The following CD163 variants were observed in gnomAD, a reference collection of about 807,000 sequenced individuals.
CD163 encodes scavenger receptor cysteine-rich type 1 protein M130.
In CD163, 64 loss-of-function variants were observed where a neutral mutation model predicts 129.2. The ratio of observed to expected loss-of-function variants is 0.50; its 90% CI spans 0.41 to 0.61. CD163 has a LOEUF of 0.61. Among genes scored for constraint, CD163 ranks in the 20% least tolerant of loss-of-function variants. The pLI, the probability that CD163 is intolerant of heterozygous loss-of-function variation, is 0.00. For missense variants in CD163, 1,061 were observed against 1,377.9 expected, an observed-to-expected ratio of 0.77 and a Z score of 3.64; for synonymous variants, 446 against 478.5, an observed-to-expected ratio of 0.93 and a Z score of 0.89.
In CD163 at chr12:7,495,128, C is replaced by A; in HGVS notation, c.1373G>T (p.Gly458Val). The A allele has an allele frequency of 6.2e-7, 1 of 1,614,174 alleles. No individual in the cohort carries two copies. The highest frequency in any genetic ancestry group is 8.5e-7 in the Non-Finnish European group (1 of 1,180,002). ...SLWDCKNWQW[G>V]GLTCDHYEEA... ...TTCATAGTGATCACAGGTAAGTCCA[C>A]CCCATTGCCAGTTCTTGCAGTCCCA... The change falls in exon 6 of 17, where the codon GGT (glycine) becomes GTT (valine). Residue 458 changes from glycine (G) to valine (V), a missense_variant. Gly to Val is a moderately radical substitution (Grantham distance 109, BLOSUM62 -3). Coordinates refer to ENST00000432237, the MANE Select transcript of CD163 (RefSeq NM_203416.4).
intron 16 of CD163, among the ~76,000 whole-genome samples, chr12:7,478,699 C>G (rs1949121217): frequency 6.6e-6 from 1 of 151,968 alleles, no homozygotes; most frequent in Non-Finnish European, 1.5e-5. Context: ...AGAGTTCCAA[C>G]TCTTATCCTT....
chr12:7,475,693 T>G (rs6492674), intron 16 of CD163, among the ~76,000 whole-genome samples: 1 of 152,080 alleles, frequency 6.6e-6, no homozygotes, highest in Non-Finnish European at 1.5e-5. Flanking sequence ...CAAGGATGTC[T>G]TCTCTCACCA....
At chr12:7,480,929 C>T in intron 15 of CD163, 2 of 1,195,682 alleles carry the variant, frequency 1.7e-6, no homozygotes, top group South Asian at 6.6e-5. Flanking sequence ...TGGTTCTTTC[C>T]ATACCTCTAT....
chr12:7,496,989 C>G lies in CD163; in HGVS notation c.923G>C (p.Gly308Ala). Residue 308 changes from glycine to alanine, a missense_variant, in exon 5 of 17, where the codon GGA becomes GCA. Transcript: ENST00000432237. The surrounding 1 kb of genome is among the most constrained non-coding windows in gnomAD (Gnocchi z 4.8). ...AATGGCTGTGACGGCAGTTGGACAT[C>G]CCAGTTGCTTGCATGCCACAGCAGC... is the stretch of plus-strand genomic sequence containing the variant. ...YDAAVACKQL[G>A]CPTAVTAIGR... The G allele has an allele frequency of 6.2e-7, 1 of 1,614,018 alleles. No homozygotes were observed.
rs1430758720 is a variant in CD163 at position 7,486,708 on chromosome 12, A to G, written c.2249T>C (p.Leu750Pro). The G allele has an allele frequency of 6.2e-7, 1 of 1,614,178 alleles. No homozygotes were observed. Among genetic ancestry groups the G allele is most frequent in the East Asian group, 2.2e-5 (1 of 44,892 alleles). ...WGTICDDSWD[L>P]SDAHVVCRQL... ...TCTGCAAACCACGTGGGCATCACTC[A>G]GGTCCCAGCTGTCATCACAGATGGT... The change falls in exon 10 of 17, where the codon CTG becomes CCG. Residue 750 changes from leucine (L) to proline (P), a missense_variant. By Grantham distance (98) the Leu-to-Pro change is moderately conservative. Transcript: ENST00000432237.
Position 7,487,563 on chromosome 12 carries a change from C to G in CD163, c.1846G>C (p.Asp616His), listed in dbSNP as rs1470902954. ...SLCNSHWDIE[D>H]AHVLCQQLKC... Reference sequence around the variant, plus strand: ...AGCTGCTGGCAAAGAACATGGGCATCTTCTATGTCCCAGTGAGAGTTACAG... The same window carrying G: ...AGCTGCTGGCAAAGAACATGGGCATGTTCTATGTCCCAGTGAGAGTTACAG... The change falls in exon 8 of 17, where the codon GAT becomes CAT. Residue 616 changes from aspartate to histidine, a missense_variant. Physicochemically the swap from Asp to His is moderately conservative, Grantham distance 81. Coordinates refer to ENST00000432237, the MANE Select transcript of CD163 (RefSeq NM_203416.4). The surrounding 1 kb of genome is among the most constrained non-coding windows in gnomAD (Gnocchi z 5.1). 6.2e-7 allele frequency: 1 copy of G among 1,614,122 alleles called. No homozygotes were observed. The highest frequency in any genetic ancestry group is 1.1e-5 in the South Asian group (1 of 91,074).
chr12:7,473,660 C>T (rs1281960042), intron 16 of CD163, among the ~76,000 whole-genome samples: 4 of 152,192 alleles, frequency 2.6e-5, no homozygotes, highest in African/African-American at 7.2e-5. Context: ...GAAGAAACCA[C>T]ATCAACTAAT....
At chr12:7,472,204 C>T (rs1949014900) in intron 16 of CD163, among the ~76,000 whole-genome samples, 1 of 152,220 alleles carries the variant, frequency 6.6e-6, no homozygotes. Context: ...ATTCTCCCAG[C>T]ACAGCGCTCG....
In CD163 at chr12:7,486,579, G is replaced by A. The variant is rs1201443489; in HGVS notation, c.2378C>T (p.Ser793Phe). The A allele has an allele frequency of 6.2e-7, 1 of 1,614,078 alleles. No homozygotes were observed. The highest frequency in any genetic ancestry group is 2.2e-5 in the East Asian group (1 of 44,898). The part of the protein sequence containing the change: ...LDEMKCNGKE[S>F]RIWQCHSHGW... Reference sequence around the variant, plus strand: ...GTGTGAATGGCACTGCCAAATGCGGGATTCTTTTCCATTGCATTTCATCTC... The same window carrying A: ...GTGTGAATGGCACTGCCAAATGCGGAATTCTTTTCCATTGCATTTCATCTC... Residue 793 changes from serine (S) to phenylalanine (F), a missense_variant, in exon 10 of 17, where the codon TCC (serine) becomes TTC (phenylalanine). Physicochemically the swap from Ser to Phe is radical, Grantham distance 155. Transcript: ENST00000432237.
intron 16 of CD163, among the ~76,000 whole-genome samples, chr12:7,472,249 G>A (rs768286550): frequency 6.6e-6 from 1 of 152,298 alleles, no homozygotes; most frequent in Non-Finnish European, 1.5e-5. Context: ...TCCTCAAGTG[G>A]GTCCCTGACC....
Position 7,481,231 on chromosome 12 carries a change from G to A in CD163, c.3273C>T (p.Val1091=). ...TCATCTCCCGGTATTGAATTTGGTGGACTAAGTTCTCTCCTCTTGAGGAAA... is the reference window on the plus strand; with the variant it reads ...TCATCTCCCGGTATTGAATTTGGTGAACTAAGTTCTCTCCTCTTGAGGAAA... The part of the protein sequence containing the change: ...LAVSSRGENL[V]HQIQYREMNS... Residue 1091 remains valine, a synonymous_variant, in exon 15 of 17, where the codon GTC becomes GTT. Coordinates refer to ENST00000432237, the MANE Select transcript of CD163 (RefSeq NM_203416.4). The A allele has an allele frequency of 1.2e-6, 2 of 1,613,634 alleles. No individual in the cohort carries two copies. Among genetic ancestry groups the A allele is most frequent in the African/African-American group, 2.7e-5 (2 of 74,996 alleles).
intron 3 of CD163, among the ~76,000 whole-genome samples, chr12:7,499,910 T>C (rs760107055): frequency 1.3e-5 from 2 of 152,294 alleles, no homozygotes; most frequent in South Asian, 4.1e-4. Context: ...TTTACATGTA[T>C]TATATCATTG....
intron 1 of CD163, among the ~76,000 whole-genome samples, chr12:7,502,912 T>C (rs988304122): frequency 4.6e-5 from 7 of 152,190 alleles, no homozygotes; most frequent in African/African-American, 1.7e-4. Context: ...GAAGGTATCC[T>C]GAGATTTCTC....
chr12:7,481,716 C>G (rs1198336489), intron 14 of CD163, among the ~76,000 whole-genome samples: 2 of 152,146 alleles, frequency 1.3e-5, no homozygotes, highest in African/African-American at 4.8e-5. Flanking sequence ...TTTCACTCCC[C>G]TACATGATAC....
In CD163 at chr12:7,481,250, G is replaced by A; in HGVS notation, c.3254C>T (p.Ser1085Leu). 1 of 1,612,958 alleles carries A rather than the reference G, an allele frequency of 6.2e-7. No individual in the cohort carries two copies. The highest frequency in any genetic ancestry group is 1.3e-5 in the African/African-American group (1 of 74,984). ...TTGGTGGACTAAGTTCTCTCCTCTTGAGGAAACTGAAAACAGAGATCCCTA... is the reference window on the plus strand; with the variant it reads ...TTGGTGGACTAAGTTCTCTCCTCTTAAGGAAACTGAAAACAGAGATCCCTA... ...RRQRQRLAVS[S>L]RGENLVHQIQ... Residue 1085 changes from serine (S) to leucine (L), a missense_variant, in exon 15 of 17, where the codon TCA (serine) becomes TTA (leucine). Ser to Leu is a moderately radical substitution (Grantham distance 145, BLOSUM62 -2). Coordinates refer to ENST00000432237, the MANE Select transcript of CD163 (RefSeq NM_203416.4).
chr12:7,479,899 G>T lies in CD163; in HGVS notation c.3358C>A (p.Pro1120Thr), dbSNP rs997674387. 6.2e-7 allele frequency: 1 copy of T among 1,612,528 alleles called. No homozygotes were observed. Among genetic ancestry groups the T allele is most frequent in the Admixed American group, 1.7e-5 (1 of 59,862 alleles). The part of the protein sequence containing the change: ...LMNSSGGHSE[P>T]H Reference sequence around the variant, plus strand: ...AATTCCCATTTTCCTTTTCAGTGTGGCTCAGAATGGCCTCCTTTTCCATTC... The same window carrying T: ...AATTCCCATTTTCCTTTTCAGTGTGTCTCAGAATGGCCTCCTTTTCCATTC... The change falls in exon 16 of 17, where the codon CCA becomes ACA. Residue 1120 changes from proline to threonine, a missense_variant. Coordinates refer to ENST00000432237, the MANE Select transcript of CD163 (RefSeq NM_203416.4).
chr12:7,501,017 G>A, intron 3 of CD163, 122 bp downstream of exon 3: 1 of 785,954 alleles, frequency 1.3e-6, no homozygotes. Context: ...AATGGATGGA[G>A]TACTTTTATA....
chr12:7,476,127 A>G lies in CD163; in HGVS notation c.*31+3733T>C, dbSNP rs148445439. ...GGAAAAACATTCCATGCTCATAGAT[A>G]GGAAGAATCAATATTGTGAAAATGG... On this transcript the variant is annotated intron_variant, in intron 16 of 16. Coordinates refer to ENST00000432237, the MANE Select transcript of CD163 (RefSeq NM_203416.4). Among the ~76,000 whole-genome samples, 704 of 152,328 alleles carry G rather than the reference A, an allele frequency of 4.6e-3. 6 individuals are homozygous for G. Among genetic ancestry groups the G allele is most frequent in the African/African-American group, 0.016 (670 of 41,578 alleles).
chr12:7,488,758 G>A (rs1312218748), intron 6 of CD163, among the ~76,000 whole-genome samples: 3 of 151,998 alleles, frequency 2.0e-5, no homozygotes, highest in Non-Finnish European at 2.9e-5. Context: ...ATCCACAAAC[G>A]TATCTGCTTA....
Sources: allele counts gnomAD v4.1 joint callset (sites outside exome capture counted in the v4.1 genomes callset), GRCh38; gene constraint gnomAD v4.1.1; non-coding constraint Gnocchi (gnomAD v3.1); transcripts MANE v1.5; gene names NCBI Gene and HGNC (gene_info 2026-07-23, HGNC 2026-07-21).